The following SOX6 variants were observed in gnomAD, a reference collection of about 807,000 sequenced individuals.
The protein encoded by SOX6 is transcription factor SOX-6.
SOX6 carries 11 observed loss-of-function variants against 97.8 expected under a neutral mutation model. The ratio of observed to expected loss-of-function variants is 0.11; its 90% CI spans 0.07 to 0.19. The LOEUF is 0.19. SOX6 is among the 10% of genes least tolerant of loss of function. The pLI, the probability that SOX6 is intolerant of heterozygous loss-of-function variation, is 1.00. For synonymous variants in SOX6, 360 were observed against 371.4 expected (o/e 0.97, Z 0.35); for missense variants, 810 against 1,039.5 (o/e 0.78, Z 3.04).
In SOX6 at chr11:16,207,341, G is replaced by A. The variant is rs138817680; in HGVS notation, c.536-20386C>T. ...AATTCGGCTGGGCGCGGTGGCTCAC[G>A]CCTGTAATCCTAGCACTTTGGGAAG... is the stretch of plus-strand genomic sequence containing the variant. On this transcript the variant is annotated intron_variant, in intron 4 of 15. Coordinates refer to ENST00000683767, the MANE Select transcript of SOX6 (RefSeq NM_001367873.1). Among the ~76,000 whole-genome samples the A allele has an allele frequency of 2.6e-3, 398 of 152,194 alleles. 1 individual carries two copies. Among genetic ancestry groups the A allele is most frequent in the African/African-American group, 8.6e-3 (358 of 41,532 alleles).
At chr11:16,592,718 CA>C (rs1848167782) in intron 4 of SOX6, among the ~76,000 whole-genome samples, 1 of 151,628 alleles carries the variant, frequency 6.6e-6, no homozygotes, top group Admixed American at 6.6e-5. Flanking sequence ...ATTTTATTGG[CA>C]TTTAAATTGC....
At chr11:16,194,943 C>A (rs770958913) in intron 4 of SOX6, among the ~76,000 whole-genome samples, 1 of 152,200 alleles carries the variant, frequency 6.6e-6, no homozygotes, top group Non-Finnish European at 1.5e-5. Flanking sequence ...GGGTGACTGC[C>A]AGTCACTGGC....
chr11:16,420,994 A>G (rs1859010125), intron 1 of SOX6, among the ~76,000 whole-genome samples: 2 of 152,182 alleles, frequency 1.3e-5, no homozygotes, highest in African/African-American at 2.4e-5. Flanking sequence ...TAGTTAGCAG[A>G]TGTCTTATTC....
intron 13 of SOX6, among the ~76,000 whole-genome samples, chr11:16,005,872 C>T (rs4437995): frequency 0.31 from 46,487 of 151,762 alleles, 8,567 homozygotes; most frequent in Non-Finnish European, 0.41. Context: ...CAGCAAATGA[C>T]GATGCATTCT....
At chr11:16,126,597 C>T (rs924759245) in intron 6 of SOX6, among the ~76,000 whole-genome samples, 17 of 152,082 alleles carry the variant, frequency 1.1e-4, no homozygotes, top group South Asian at 2.1e-4. Flanking sequence ...CATTGAAAAG[C>T]ACTACAAACA....
intron 1 of SOX6, among the ~76,000 whole-genome samples, chr11:16,386,624 A>G (rs1857994702): frequency 1.3e-5 from 2 of 151,972 alleles, no homozygotes; most frequent in African/African-American, 4.8e-5. Flanking sequence ...TAGAGCTTGC[A>G]AGCTTCTTTT....
At chr11:16,312,984 C>G (rs1339452694) in intron 3 of SOX6, 2 of 152,104 alleles carry the variant, frequency 1.3e-5, no homozygotes, top group African/African-American at 2.4e-5. Flanking sequence ...GTCTACCTAC[C>G]TACATACCAA....
intron 3 of SOX6, among the ~76,000 whole-genome samples, chr11:16,649,524 C>T (rs10766337): frequency 0.27 from 40,709 of 151,980 alleles, 6,194 homozygotes; most frequent in East Asian, 0.53. Flanking sequence ...CAAAACTAAG[C>T]TTCATGAATG....
At chr11:16,287,149 A>C (rs1436443615) in intron 3 of SOX6, among the ~76,000 whole-genome samples, 1 of 152,018 alleles carries the variant, frequency 6.6e-6, no homozygotes, top group Non-Finnish European at 1.5e-5. Context: ...GCGTCACTCA[A>C]GAGAAGAGCA....
intron 4 of SOX6, among the ~76,000 whole-genome samples, chr11:16,202,450 C>A (rs1030702424): frequency 6.6e-6 from 1 of 152,140 alleles, no homozygotes; most frequent in African/African-American, 2.4e-5. Context: ...AGCCATGGAA[C>A]AAATGGCTGC....
At chr11:16,404,900 C>A (rs1369805068) in intron 1 of SOX6, among the ~76,000 whole-genome samples, 1 of 151,964 alleles carries the variant, frequency 6.6e-6, no homozygotes, top group African/African-American at 2.4e-5. Flanking sequence ...TCTTTTTAAT[C>A]TTTTCCTTGA....
At chr11:16,398,464 C>T (rs562343414) in intron 1 of SOX6, among the ~76,000 whole-genome samples, 1 of 151,292 alleles carries the variant, frequency 6.6e-6, no homozygotes, top group Non-Finnish European at 1.5e-5. Context: ...TAGTAAGGGT[C>T]TACTAGGATA....
chr11:16,102,902 G>C (rs1848984490), intron 7 of SOX6, among the ~76,000 whole-genome samples: 1 of 151,950 alleles, frequency 6.6e-6, no homozygotes, highest in African/African-American at 2.4e-5. Flanking sequence ...TTAAATCTAA[G>C]ACCTGAAACC....
intron 6 of SOX6, among the ~76,000 whole-genome samples, chr11:16,142,469 C>T (rs1850170699): frequency 6.6e-6 from 1 of 152,180 alleles, no homozygotes. Flanking sequence ...AGGAACACAG[C>T]TCCTCACCAG....
At chr11:15,995,910 A>G (rs1854209377) in intron 13 of SOX6, among the ~76,000 whole-genome samples, 1 of 152,212 alleles carries the variant, frequency 6.6e-6, no homozygotes. Flanking sequence ...ATACTCTCAA[A>G]TGATTAAAAG....
intron 12 of SOX6, among the ~76,000 whole-genome samples, chr11:16,039,593 G>A (rs1277033357): frequency 6.6e-6 from 1 of 151,938 alleles, no homozygotes; most frequent in Non-Finnish European, 1.5e-5. Flanking sequence ...ACATGACAAT[G>A]ATACAATTTG....
chr11:16,738,418 C>G (rs1848411927), intron 1 of SOX6: 1 of 304,644 alleles, frequency 3.3e-6, no homozygotes, highest in African/African-American at 2.1e-5. Flanking sequence ...TCTCGGCCAA[C>G]GCTCACCGCC....
intron 3 of SOX6, among the ~76,000 whole-genome samples, chr11:16,692,332 G>C (rs1476807479): frequency 6.6e-6 from 1 of 152,098 alleles, no homozygotes; most frequent in East Asian, 1.9e-4. Context: ...TTACAGGTGT[G>C]AACCACCGCA....
intron 4 of SOX6, among the ~76,000 whole-genome samples, chr11:16,210,135 G>C (rs1236074001): frequency 6.6e-6 from 1 of 151,884 alleles, no homozygotes; most frequent in Non-Finnish European, 1.5e-5. Context: ...TCCATCTCTA[G>C]GTATTTATAC....
Sources: gnomAD v4.1 joint callset for allele counts (sites outside exome capture counted in the v4.1 genomes callset) on GRCh38, gnomAD v4.1.1 for gene constraint, MANE v1.5 for transcripts, NCBI Gene and HGNC (gene_info 2026-07-23, HGNC 2026-07-21) for gene names.